TRPM5: variants seen among roughly 807,000 people sequenced by gnomAD.
TRPM5 encodes the protein transient receptor potential cation channel subfamily M member 5.
In TRPM5, 121 loss-of-function variants were observed where a neutral mutation model predicts 124.9. The observed-to-expected ratio is 0.97, with a 90% CI of 0.84 to 1.13. The LOEUF (loss-of-function observed/expected upper bound fraction) is 1.13, where lower values mean the gene tolerates loss of function less well. TRPM5 is among the 50% of genes most tolerant of loss of function. TRPM5 has a pLI of 0.00. For synonymous variants in TRPM5, 781 were observed against 700.5 expected, an observed-to-expected ratio of 1.11 and a Z score of -1.81; for missense variants, 1,643 against 1,589.1, an observed-to-expected ratio of 1.03 and a Z score of -0.58.
chr11:2,425,793 G>A (rs958666649), upstream of TRPM5, among the ~76,000 whole-genome samples: 38 of 152,296 alleles, frequency 2.5e-4, no homozygotes, highest in African/African-American at 9.1e-4. Context: ...GGGGGCTTGG[G>A]GTTTGGCCAT....
At chr11:2,425,434 G>A (rs1353491664), upstream of TRPM5, among the ~76,000 whole-genome samples, 1 of 152,164 alleles carries the variant, frequency 6.6e-6, no homozygotes, top group Non-Finnish European at 1.5e-5. Context: ...ATCATTGATT[G>A]CCCAGGCCCG....
chr11:2,410,370 G>GCACGTT (rs2133507167), intron 18 of TRPM5, among the ~76,000 whole-genome samples: 1 of 152,274 alleles, frequency 6.6e-6, no homozygotes, highest in South Asian at 2.1e-4. Flanking sequence ...GGCCTGGGCA[G>GCACGTT]CACGTTGTGC....
At chr11:2,408,681 C>T (rs1435868699) in intron 18 of TRPM5, among the ~76,000 whole-genome samples, 1 of 152,242 alleles carries the variant, frequency 6.6e-6, no homozygotes, top group Non-Finnish European at 1.5e-5. Flanking sequence ...ACCCTGGACC[C>T]TCACCCCACC....
chr11:2,417,710 A>AAAACAC lies in TRPM5; in HGVS notation c.1009+16_1009+17insGTGTTT. 1 of 335,806 alleles carries AAAACAC rather than the reference A, an allele frequency of 3.0e-6. No homozygotes were observed. The allele number at this position is 335,806 out of a possible 1,614,324, so 20.8% of individuals were successfully genotyped here. A position where few individuals can be genotyped will look rare whatever the true frequency, so the allele number is the denominator to read the frequency against. Reference sequence around the variant, plus strand: ...CCCCCCAATGGCGCCTGCCTTGCCCACCCTGCCCGCCCTCACCTTTCACCA... The same window carrying AAAACAC: ...CCCCCCAATGGCGCCTGCCTTGCCCAAAACACCCCTGCCCGCCCTCACCTTTCACCA... On this transcript the variant is annotated intron_variant, in intron 7 of 23. Coordinates refer to ENST00000155858, the Ensembl canonical transcript of TRPM5.
intron 12 of TRPM5, among the ~76,000 whole-genome samples, 173 bp downstream of exon 17, chr11:2,413,888 G>A (rs556663983): frequency 6.6e-6 from 1 of 152,294 alleles, no homozygotes; most frequent in South Asian, 2.1e-4. Context: ...AGTGTGCCTG[G>A]TGGAGGAAGC....
exon 5 of TRPM5, chr11:2,418,546 C>G: frequency 6.2e-7 from 1 of 1,611,712 alleles, no homozygotes; most frequent in South Asian, 1.1e-5. Flanking sequence ...GTTGGGATCA[C>G]CATTGACCAG....
upstream of TRPM5, chr11:2,423,069 C>T (rs747426352): frequency 1.9e-6 from 3 of 1,570,814 alleles, no homozygotes; most frequent in Non-Finnish European, 2.6e-6. Flanking sequence ...ATACCCTGGC[C>T]CTTGAGGGCT....
intron 12 of TRPM5, 52 bp downstream of exon 17, chr11:2,414,009 G>GGGGCCCCCCCCCCCCCCCCCCCCCCCCCC: frequency 5.9e-6 from 6 of 1,023,728 alleles, no homozygotes; most frequent in Non-Finnish European, 7.2e-6. Context: ...GGCCCAGCTC[G>GGGGCCCCCCCCCCCCCCCCCCCCCCCCCC]CCCGCCCACC....
intron 21 of TRPM5, 117 bp downstream of exon 26, chr11:2,406,544 G>A: frequency 7.2e-7 from 1 of 1,381,636 alleles, no homozygotes; most frequent in Non-Finnish European, 9.9e-7. Context: ...CCAGAGCCCT[G>A]CCCCTACCCC....
rs754092683 is a variant in TRPM5 at position 2,407,906 on chromosome 11, C to T, written c.2789G>A (p.Arg930His). 82 of 1,613,266 alleles carry T rather than the reference C, an allele frequency of 5.1e-5. No homozygotes were observed. The highest frequency in any genetic ancestry group is 1.1e-4 in the South Asian group (10 of 91,058). ...CAGTGGGTGGGTGGAGCAGTTCACACGGGCTTCTGGAAAGCAAGGGTGCTG... is the reference window on the plus strand; with the variant it reads ...CAGTGGGTGGGTGGAGCAGTTCACATGGGCTTCTGGAAAGCAAGGGTGCTG... Residue 930 changes from arginine (R) to histidine (H), a missense_variant, in exon 19 of 24, where the codon CGT becomes CAT. By Grantham distance (29) the Arg-to-His change is conservative. Coordinates refer to ENST00000155858, the Ensembl canonical transcript of TRPM5.
At chr11:2,417,660 C>T (rs1845704564) in intron 7 of TRPM5, 67 bp downstream of exon 12, 1 of 1,356,904 alleles carries the variant, frequency 7.4e-7, no homozygotes, top group Non-Finnish European at 1.0e-6. Flanking sequence ...GGCTGCCAAA[C>T]CCCAAAGCGG....
At chr11:2,436,864 G>T in the TRPM5 span, among the ~76,000 whole-genome samples, 1 of 152,256 alleles carries the variant, frequency 6.6e-6, no homozygotes, top group African/African-American at 2.4e-5. Flanking sequence ...GACATCAGAT[G>T]ACCTAACCTC....
At chr11:2,433,199 GC>G in the TRPM5 span, among the ~76,000 whole-genome samples, 2 of 152,248 alleles carry the variant, frequency 1.3e-5, no homozygotes, top group Admixed American at 1.3e-4. Context: ...GGCCAGCGAG[GC>G]CAAATGACCT....
At chr11:2,408,931 C>T (rs576306482) in intron 18 of TRPM5, among the ~76,000 whole-genome samples, 38 of 152,338 alleles carry the variant, frequency 2.5e-4, no homozygotes, top group African/African-American at 6.3e-4. Context: ...TGTGAGTCTG[C>T]GTGTGAGCAC....
chr11:2,419,838 C>T (rs1003860313), intron 4 of TRPM5, among the ~76,000 whole-genome samples: 8 of 152,356 alleles, frequency 5.3e-5, no homozygotes, highest in African/African-American at 1.9e-4. Flanking sequence ...CCTCTGGCGG[C>T]AGCATACCTC....
At chr11:2,420,127 C>T (rs912619891) in intron 4 of TRPM5, 95 bp downstream of exon 9, 1 of 1,426,484 alleles carries the variant, frequency 7.0e-7, no homozygotes. Context: ...AGCCCTCCCC[C>T]TTCTCCCTGG....
rs554814159 is a variant in TRPM5, at chr11:2,412,882, A to C, written c.2227T>G (p.Phe743Val). Residue 743 changes from phenylalanine to valine, a missense_variant, in exon 15 of 24, where the codon TTC becomes GTC. Transcript: ENST00000155858. ...TAGGTGAACAGGAAGAGGAAGGCGA[A>C]GTACATGACCACGTTCCCCAGGAAC... 6.7e-5 allele frequency: 107 copies of C among 1,598,214 alleles called. No homozygotes were observed. In the South Asian group the frequency reaches 1.1e-3, roughly 16 times the overall value.
Position 2,410,662 on chromosome 11 carries a change from G to A in TRPM5, c.2782+690C>T, listed in dbSNP as rs1176642701. 42 of 442,480 alleles carry A rather than the reference G, an allele frequency of 9.5e-5. 1 individual carries two copies. The highest frequency in any genetic ancestry group is 3.3e-4 in the Middle Eastern group (1 of 3,016). The allele number at this position is 442,480 out of a possible 1,614,324, so 27.4% of individuals were successfully genotyped here. On this transcript the variant is annotated intron_variant, in intron 18 of 23. Transcript: ENST00000155858. ...CCATGGCCAAGCGGCTCTGACCCCCGCCCCCTCCCCACTGCACTGGCTTAT... is the reference window on the plus strand; with the variant it reads ...CCATGGCCAAGCGGCTCTGACCCCCACCCCCTCCCCACTGCACTGGCTTAT...
exon 24 of TRPM5, chr11:2,404,986 A>G (rs770808567): frequency 5.0e-6 from 8 of 1,612,792 alleles, no homozygotes; most frequent in Non-Finnish European, 6.8e-6. Context: ...CCAGCCATCT[A>G]AACCACCTCT....
Sources: allele counts gnomAD v4.1 joint callset (sites outside exome capture counted in the v4.1 genomes callset), GRCh38; gene constraint gnomAD v4.1.1; transcripts MANE v1.5; gene names NCBI Gene and HGNC (gene_info 2026-07-23, HGNC 2026-07-21).